Variants in RECQL4 observed in about 807,000 individuals in gnomAD.
RECQL4 encodes the protein ATP-dependent DNA helicase Q4.
RECQL4 carries 158 observed loss-of-function variants against 128.6 expected under a neutral mutation model. The ratio of observed to expected loss-of-function variants is 1.23; its 90% CI spans 1.08 to 1.40. RECQL4 has a LOEUF of 1.40. Ranked by LOEUF, RECQL4 falls within the 40% of genes most tolerant of loss-of-function variation. RECQL4 has a pLI of 0.00. For missense variants in RECQL4, 2,293 were observed against 1,649.8 expected, an observed-to-expected ratio of 1.39 and a Z score of -6.75; for synonymous variants, 996 against 678.9, an observed-to-expected ratio of 1.47 and a Z score of -7.26.
rs1022453211 is a variant in RECQL4 at position 144,516,098 on chromosome 8, T to C, written c.1021A>G (p.Ile341Val). The change falls in exon 5 of 21, where the codon ATC (isoleucine) becomes GTC (valine). Residue 341 changes from isoleucine (I) to valine (V), a missense_variant. By Grantham distance (29) the Ile-to-Val change is conservative (BLOSUM62 3). Transcript: ENST00000617875. ...GKAEGTAPLH[I>V]FPRLARHDRG... ...TCATGGCGGGCCAGCCGAGGGAAGATGTGCAGGGGGGCTGTGCCCTCAGCC... is the reference window on the plus strand; with the variant it reads ...TCATGGCGGGCCAGCCGAGGGAAGACGTGCAGGGGGGCTGTGCCCTCAGCC... The C allele has an allele frequency of 1.1e-5, 17 of 1,612,684 alleles. No homozygotes were observed. Among genetic ancestry groups the C allele is most frequent in the Admixed American group, 5.0e-5 (3 of 60,008 alleles).
rs368601097 is a variant in RECQL4, at chr8:144,516,056, G to T, written c.1063C>A (p.Arg355=). ...LARHDRGNYV[R]LNMKQKHYVR... ...TAGTGTTTCTGCTTCATGTTGAGCC[G>T]TACGTAATTGCCCCTGTCATGGCGG... Residue 355 remains arginine, a synonymous_variant, in exon 5 of 21, where the codon CGG becomes AGG. Transcript: ENST00000617875. The T allele has an allele frequency of 1.5e-5, 24 of 1,612,532 alleles. No individual in the cohort carries two copies. The East Asian group carries it at 4.9e-4, about 33-fold the overall frequency.
chr8:144,513,195 G>T, intron 14 of RECQL4, 23 bp downstream of exon 14: 1 of 928,854 alleles, frequency 1.1e-6, no homozygotes, highest in Non-Finnish European at 1.6e-6. Flanking sequence ...AGCACTGGCA[G>T]TGTGGGGGGG....
In RECQL4 at chr8:144,516,490, G is replaced by C. The variant is rs746917248; in HGVS notation, c.629C>G (p.Pro210Arg). 36 of 1,608,848 alleles carry C rather than the reference G, an allele frequency of 2.2e-5. No individual in the cohort carries two copies. The highest frequency in any genetic ancestry group is 2.9e-5 in the Non-Finnish European group (34 of 1,179,726). The change falls in exon 5 of 21, where the codon CCT (proline) becomes CGT (arginine). Residue 210 changes from proline (P) to arginine (R), a missense_variant. Transcript: ENST00000617875. The part of the protein sequence containing the change: ...DFLGAPKACR[P>R]DLGSEESQLL... ...TTGTGATTCCTCTGAGCCTAGATCAGGCCTGCAGGCTTTGGGGGCCCCCAG... is the reference window on the plus strand; with the variant it reads ...TTGTGATTCCTCTGAGCCTAGATCACGCCTGCAGGCTTTGGGGGCCCCCAG...
chr8:144,515,097 A>C lies in RECQL4; in HGVS notation c.1484-25T>G. The stretch of plus-strand genomic sequence containing the variant: ...CCTGGATGGGGCGGGAGTCAGCAGC[A>C]GGGTTCTGCAGCCTGGCCTCAGCCC... On this transcript the variant is annotated intron_variant, in intron 8 of 20. Coordinates refer to ENST00000617875, the MANE Select transcript of RECQL4 (RefSeq NM_004260.4). The C allele has an allele frequency of 1.9e-6, 3 of 1,590,690 alleles. No individual in the cohort carries two copies. The South Asian group carries it at 3.4e-5, about 18-fold the overall frequency.
In RECQL4 at chr8:144,515,189, G is replaced by C. The variant is rs573164516; in HGVS notation, c.1444C>G (p.Arg482Gly). Residue 482 changes from arginine to glycine, a missense_variant, in exon 8 of 21, where the codon CGC becomes GGC. Physicochemically the swap from Arg to Gly is moderately radical, Grantham distance 125. Coordinates refer to ENST00000617875, the MANE Select transcript of RECQL4 (RefSeq NM_004260.4). ...ALEQLGHQAFRPGQERAVMRI... is the reference protein window; with the variant it reads ...ALEQLGHQAFGPGQERAVMRI... ...ATGACTGCACGCTCCTGCCCAGGGC[G>C]AAAGGCTTGGTGCCCCAGCTGCTCC... The C allele has an allele frequency of 6.4e-7, 1 of 1,567,978 alleles. No homozygotes were observed. Among genetic ancestry groups the C allele is most frequent in the South Asian group, 1.2e-5 (1 of 85,780 alleles).
rs1039884934 is a variant in RECQL4 at position 144,511,381 on chromosome 8, C to G, written c.*50G>C. 1.2e-6 allele frequency: 2 copies of G among 1,600,706 alleles called. No individual in the cohort carries two copies. The highest frequency in any genetic ancestry group is 2.7e-5 in the African/African-American group (2 of 74,708). On this transcript the variant is annotated 3_prime_UTR_variant, in exon 21 of 21. Coordinates refer to ENST00000617875, the MANE Select transcript of RECQL4 (RefSeq NM_004260.4). Reference sequence around the variant, plus strand: ...TTTGCCCAGGTCCTCAGTCACTGCCCTAGCCTCTGACAACCCCAGCTCTAC... The same window carrying G: ...TTTGCCCAGGTCCTCAGTCACTGCCGTAGCCTCTGACAACCCCAGCTCTAC...
chr8:144,516,035 G>A lies in RECQL4; in HGVS notation c.1084C>T (p.His362Tyr), dbSNP rs1186265538. Residue 362 changes from histidine (H) to tyrosine (Y), a missense_variant, in exon 5 of 21, where the codon CAC (histidine) becomes TAC (tyrosine). Physicochemically the swap from His to Tyr is moderately conservative, Grantham distance 83. Transcript: ENST00000617875. ...NYVRLNMKQKHYVRGRALRSR... is the reference protein window; with the variant it reads ...NYVRLNMKQKYYVRGRALRSR... ...CGGAGTGCCCGGCCCCGCACGTAGT[G>A]TTTCTGCTTCATGTTGAGCCGTACG... is the stretch of plus-strand genomic sequence containing the variant. 17 of 1,611,858 alleles carry A rather than the reference G, an allele frequency of 1.1e-5. No individual in the cohort carries two copies. The highest frequency in any genetic ancestry group is 1.4e-5 in the Non-Finnish European group (16 of 1,179,314).
intron 6 of RECQL4, 59 bp downstream of exon 6, chr8:144,515,705 G>C (rs937108032): frequency 1.9e-6 from 3 of 1,586,544 alleles, no homozygotes; most frequent in African/African-American, 2.7e-5. Flanking sequence ...TCCCCCAAAA[G>C]AGCACTGCGC....
rs1201640925 is a variant in RECQL4, at chr8:144,516,961, C to T, written c.354+89G>A. 6 of 1,524,846 alleles carry T rather than the reference C, an allele frequency of 3.9e-6. No homozygotes were observed. The East Asian group carries it at 1.4e-4, about 35-fold the overall frequency. 94.5% of individuals were successfully genotyped at this position (1,524,846 alleles called of 1,614,324 possible). ...CCCTGGTTGGCACAGGGGCCCGTGC[C>T]TGTCTGTGTGGAAAAAATGACAAGA... is the stretch of plus-strand genomic sequence containing the variant. On this transcript the variant is annotated intron_variant, in intron 4 of 20. Coordinates refer to ENST00000617875, the MANE Select transcript of RECQL4 (RefSeq NM_004260.4).
In RECQL4 at chr8:144,514,938, G is replaced by A; in HGVS notation, c.1618C>T (p.Gln540Ter). Residue 540 changes from glutamine (Q) to a stop codon, truncating the protein, a stop_gained and splice_region_variant, in exon 9 of 21, where the codon CAG becomes TAG. Coordinates refer to ENST00000617875, the MANE Select transcript of RECQL4 (RefSeq NM_004260.4). LOFTEE classifies it high-confidence loss of function. ...TGCCCAGGGCCCTGTGTGCACACCTGGTCATCCATGAGTGACAGCAGGGGA... is the reference window on the plus strand; with the variant it reads ...TGCCCAGGGCCCTGTGTGCACACCTAGTCATCCATGAGTGACAGCAGGGGA... ...VSPLLSLMDD[Q>*]VSGLPPCLKA... 2 of 1,611,150 alleles carry A rather than the reference G, an allele frequency of 1.2e-6. No homozygotes were observed. The highest frequency in any genetic ancestry group is 1.7e-6 in the Non-Finnish European group (2 of 1,179,444).
rs780682759 is a variant in RECQL4, at chr8:144,517,199, G to C, written c.214-9C>G. On this transcript the variant is annotated splice_polypyrimidine_tract_variant and intron_variant, in intron 3 of 20. Coordinates refer to ENST00000617875, the MANE Select transcript of RECQL4 (RefSeq NM_004260.4). ...CAGCGGGGCTCTGGCGCCTGCAGGA[G>C]ACAACAGGGGCACAGGCCAGAAAAG... 4 of 1,592,470 alleles carry C rather than the reference G, an allele frequency of 2.5e-6. No individual in the cohort carries two copies. Among genetic ancestry groups the C allele is most frequent in the African/African-American group, 2.7e-5 (2 of 74,562 alleles).
chr8:144,516,972 G>T, intron 4 of RECQL4, 78 bp downstream of exon 4: 1 of 1,540,440 alleles, frequency 6.5e-7, no homozygotes. Context: ...TGTCTGTGTG[G>T]AAAAAATGAC....
At chr8:144,512,119 C>T in intron 18 of RECQL4, 25 bp downstream of exon 18, 1 of 1,601,238 alleles carries the variant, frequency 6.2e-7, no homozygotes, top group South Asian at 1.1e-5. Context: ...TGGATGGTCC[C>T]AGGCCCCGCC....
chr8:144,511,962 C>G lies in RECQL4; in HGVS notation c.3342G>C (p.Gln1114His), dbSNP rs990831417. 11 of 1,611,516 alleles carry G rather than the reference C, an allele frequency of 6.8e-6. No homozygotes were observed. Among genetic ancestry groups the G allele is most frequent in the African/African-American group, 5.3e-5 (4 of 74,962 alleles). Residue 1114 changes from glutamine to histidine, a missense_variant, in exon 19 of 21, where the codon CAG becomes CAC. By Grantham distance (24) the Gln-to-His change is conservative. Transcript: ENST00000617875. ...LGRYFEEEEGQEPGGMEDAQG... is the reference protein window; with the variant it reads ...LGRYFEEEEGHEPGGMEDAQG... ...GTGCGTCCTCCATGCCTCCCGGCTCCTGCCCTTCCTCTTCCTCAAAGTAGC... is the reference window on the plus strand; with the variant it reads ...GTGCGTCCTCCATGCCTCCCGGCTCGTGCCCTTCCTCTTCCTCAAAGTAGC...
At position 144,517,696 on chromosome 8, in the gene RECQL4, C is replaced by A. The variant is rs1060501367; in HGVS notation, c.84+5G>T. On this transcript the variant is annotated splice_donor_5th_base_variant and intron_variant, in intron 1 of 20. Coordinates refer to ENST00000617875, the MANE Select transcript of RECQL4 (RefSeq NM_004260.4). ...TCAGCCCCTCGGCCCCTGGGCAGCC[C>A]GCACCTGGCTCGGTCGCCGCCCGCG... is the stretch of plus-strand genomic sequence containing the variant. The A allele has an allele frequency of 7.1e-7, 1 of 1,414,122 alleles. No homozygotes were observed. The highest frequency in any genetic ancestry group is 9.2e-7 in the Non-Finnish European group (1 of 1,087,166). 87.6% of individuals were successfully genotyped at this position (1,414,122 alleles called of 1,614,324 possible).
rs775651175 is a variant in RECQL4 at position 144,516,608 on chromosome 8, G to C, written c.511C>G (p.Arg171Gly). 1 of 1,610,704 alleles carries C rather than the reference G, an allele frequency of 6.2e-7. No homozygotes were observed. The highest frequency in any genetic ancestry group is 1.7e-5 in the Admixed American group (1 of 59,590). ...AGGGATGCCTGCAGATGCTGGAGCC[G>C]GCCTGGCCTTGGCTGGGGCTCAGGG... The part of the protein sequence containing the change: ...QLPEPQPRPG[R>G]LQHLQASLSQ... Residue 171 changes from arginine to glycine, a missense_variant, in exon 5 of 21, where the codon CGG becomes GGG. By Grantham distance (125) the Arg-to-Gly change is moderately radical (BLOSUM62 -2). Coordinates refer to ENST00000617875, the MANE Select transcript of RECQL4 (RefSeq NM_004260.4).
intron 3 of RECQL4, 52 bp downstream of exon 3, chr8:144,517,362 A>C (rs2130739042): frequency 6.6e-7 from 1 of 1,510,234 alleles, no homozygotes; most frequent in Non-Finnish European, 8.9e-7. Context: ...GGCTCCCGCC[A>C]CTCCGCCAAA....
rs1265211452 is a variant in RECQL4 at position 144,513,356 on chromosome 8, C to G, written c.2325G>C (p.Gly775=). ...GCACATCTGGCCGGTCCAGCCCCAT[C>G]CCAAAGGCCACCGTGGCCACCACCA... ...LRVVVATVAF[G]MGLDRPDVRA... Residue 775 remains glycine (G), a synonymous_variant, in exon 14 of 21, where the codon GGG becomes GGC. Coordinates refer to ENST00000617875, the MANE Select transcript of RECQL4 (RefSeq NM_004260.4). The G allele has an allele frequency of 1.2e-6, 2 of 1,606,142 alleles. No homozygotes were observed. The highest frequency in any genetic ancestry group is 2.2e-5 in the East Asian group (1 of 44,866).
chr8:144,512,308 T>A lies in RECQL4; in HGVS notation c.3072A>T (p.Thr1024=). Residue 1024 remains threonine (T), a synonymous_variant, in exon 18 of 21, where the codon ACA becomes ACT. Coordinates refer to ENST00000617875, the MANE Select transcript of RECQL4 (RefSeq NM_004260.4). ...HEPRTGVRRG[T]GVLVEFSELA... ...GCTCACTGAACTCCACAAGCACCCC[T>A]GTCCCACGCCGCACACCTGCCGGAA... The A allele has an allele frequency of 6.2e-7, 1 of 1,612,286 alleles. No individual in the cohort carries two copies.
Sources: gnomAD v4.1 joint callset for allele counts on GRCh38, gnomAD v4.1.1 for gene constraint, MANE v1.5 for transcripts, NCBI Gene and HGNC (gene_info 2026-07-23, HGNC 2026-07-21) for gene names.